NXPE2: variants seen among roughly 807,000 people sequenced by gnomAD.
NXPE2 encodes the protein NXPE family member 2.
NXPE2 carries 34 observed loss-of-function variants against 34.4 expected under a neutral mutation model. The observed-to-expected ratio is 0.99, with a 90% CI of 0.75 to 1.31. The LOEUF (loss-of-function observed/expected upper bound fraction) is 1.31, where lower values mean the gene tolerates loss of function less well. Ranked by LOEUF, NXPE2 falls within the 40% of genes most tolerant of loss-of-function variation. The pLI is 0.00. For synonymous variants in NXPE2, 235 were observed against 231.3 expected (o/e 1.02, Z -0.15); for missense variants, 649 against 672.5 (o/e 0.97, Z 0.39).
the NXPE2 span, among the ~76,000 whole-genome samples, chr11:114,625,069 C>T: frequency 2.0e-5 from 3 of 152,114 alleles, no homozygotes; most frequent in East Asian, 1.9e-4. Context: ...ATAAATATTG[C>T]CCCGTGGGTA....
the NXPE2 span, among the ~76,000 whole-genome samples, chr11:114,630,227 T>A: frequency 6.6e-6 from 1 of 151,320 alleles, no homozygotes; most frequent in Non-Finnish European, 1.5e-5. Context: ...CAATCCTGAG[T>A]CAAAAGAACA....
the NXPE2 span, among the ~76,000 whole-genome samples, chr11:114,659,605 A>G: frequency 3.7e-3 from 557 of 152,262 alleles, 2 homozygotes; most frequent in African/African-American, 0.012. Flanking sequence ...TCACAAGAAT[A>G]CTAGAAAATA....
chr11:114,641,100 A>T, the NXPE2 span, among the ~76,000 whole-genome samples: 1 of 152,042 alleles, frequency 6.6e-6, no homozygotes, highest in African/African-American at 2.4e-5. Flanking sequence ...ATAATAACTG[A>T]AGTAAATAGT....
the NXPE2 span, among the ~76,000 whole-genome samples, chr11:114,612,109 T>A: frequency 6.6e-6 from 1 of 151,890 alleles, no homozygotes; most frequent in Non-Finnish European, 1.5e-5. Flanking sequence ...GGGTAACCAC[T>A]GTTACCTGGT....
the NXPE2 span, among the ~76,000 whole-genome samples, chr11:114,643,511 G>A: frequency 1.3e-5 from 2 of 152,006 alleles, no homozygotes; most frequent in African/African-American, 4.8e-5. Flanking sequence ...TATTAAATAC[G>A]GAATCCTTTC....
chr11:114,623,959 C>T, the NXPE2 span, among the ~76,000 whole-genome samples: 27 of 152,112 alleles, frequency 1.8e-4, 3 homozygotes, highest in Admixed American at 1.7e-3. Context: ...CCACTGTTAT[C>T]CAGTGGATAA....
chr11:114,746,930 C>A, the NXPE2 span, among the ~76,000 whole-genome samples: 1 of 150,696 alleles, frequency 6.6e-6, no homozygotes, highest in Non-Finnish European at 1.5e-5. Context: ...TTTTACATGG[C>A]CCTAAGCCTA....
the NXPE2 span, among the ~76,000 whole-genome samples, chr11:114,739,607 A>C: frequency 1.3e-5 from 2 of 152,000 alleles, no homozygotes; most frequent in Admixed American, 1.3e-4. Flanking sequence ...CTTAAGATTT[A>C]CTCTGTTAGC....
At chr11:114,735,075 A>G in the NXPE2 span, among the ~76,000 whole-genome samples, 1 of 152,128 alleles carries the variant, frequency 6.6e-6, no homozygotes, top group African/African-American at 2.4e-5. Flanking sequence ...GCACCACTGC[A>G]CTCTAGCCTG....
the NXPE2 span, among the ~76,000 whole-genome samples, chr11:114,667,797 G>A: frequency 6.4e-4 from 97 of 152,194 alleles, no homozygotes; most frequent in Admixed American, 1.4e-3. Context: ...GATGATGAGC[G>A]TATCTCCAGC....
chr11:114,542,689 G>T, the NXPE2 span, among the ~76,000 whole-genome samples: 14 of 152,080 alleles, frequency 9.2e-5, 1 homozygote, highest in South Asian at 2.9e-3. Flanking sequence ...GGGCAAAAGA[G>T]GTTTATAGTT....
chr11:114,593,097 G>A, the NXPE2 span, among the ~76,000 whole-genome samples: 5 of 152,102 alleles, frequency 3.3e-5, no homozygotes, highest in African/African-American at 1.2e-4. Context: ...AGGGAATACT[G>A]TTCAGGACAC....
At chr11:114,589,011 C>G in the NXPE2 span, among the ~76,000 whole-genome samples, 1 of 152,136 alleles carries the variant, frequency 6.6e-6, no homozygotes, top group South Asian at 2.1e-4. Context: ...AGAGGAAACA[C>G]AAGAGAAGGA....
the NXPE2 span, chr11:114,582,271 G>T: frequency 1.9e-6 from 3 of 1,543,176 alleles, no homozygotes; most frequent in Admixed American, 2.0e-5. Flanking sequence ...GTAGTCTCAA[G>T]AAGTAATTAT....
At chr11:114,716,167 GT>G in the NXPE2 span, among the ~76,000 whole-genome samples, 1 of 152,106 alleles carries the variant, frequency 6.6e-6, no homozygotes, top group East Asian at 1.9e-4. Context: ...ACCTGGCTGG[GT>G]TTTTACCAAT....
the NXPE2 span, among the ~76,000 whole-genome samples, chr11:114,618,618 C>T: frequency 2.0e-5 from 3 of 151,926 alleles, no homozygotes. Context: ...ATAAGTATTG[C>T]CTTGTGAGTA....
In NXPE2 at chr11:114,706,607, C is replaced by T. The variant is rs1402514280; in HGVS notation, c.1357C>T (p.His453Tyr). The T allele has an allele frequency of 3.9e-6, 6 of 1,551,832 alleles. No individual in the cohort carries two copies. Among genetic ancestry groups the T allele is most frequent in the Middle Eastern group, 1.7e-4 (1 of 5,992 alleles). The stretch of plus-strand genomic sequence containing the variant: ...AGCCATTGTCATTACCCTCGGCCAA[C>T]ACTTCAGACCCTTTCCCATCAACAT... ...NTAIVITLGQ[H>Y]FRPFPINIFI... Residue 453 changes from histidine (H) to tyrosine (Y), a missense_variant, in exon 6 of 6, where the codon CAC becomes TAC. Transcript: ENST00000389586.
chr11:114,552,568 AT>A, the NXPE2 span, among the ~76,000 whole-genome samples: 1 of 151,878 alleles, frequency 6.6e-6, no homozygotes, highest in Non-Finnish European at 1.5e-5. Context: ...TACAAAAAGC[AT>A]GTTCAATAGG....
the NXPE2 span, among the ~76,000 whole-genome samples, chr11:114,795,901 G>C: frequency 6.6e-6 from 1 of 152,240 alleles, no homozygotes; most frequent in Admixed American, 6.5e-5. Context: ...CGTGGGTAGA[G>C]GAGGAAGTTG....
Sources: gnomAD v4.1 joint callset for allele counts (sites outside exome capture counted in the v4.1 genomes callset) on GRCh38, gnomAD v4.1.1 for gene constraint, MANE v1.5 for transcripts, NCBI Gene and HGNC (gene_info 2026-07-23, HGNC 2026-07-21) for gene names.